HHLA2: variants seen among roughly 807,000 people sequenced by gnomAD.
The protein encoded by HHLA2 is HHLA2 member of B7 family.
In HHLA2, 48 loss-of-function variants were observed where a neutral mutation model predicts 45.9. The ratio of observed to expected loss-of-function variants is 1.05; its 90% CI spans 0.83 to 1.33. The LOEUF (loss-of-function observed/expected upper bound fraction) is 1.33, where lower values mean the gene tolerates loss of function less well. Among genes scored for constraint, HHLA2 ranks in the 40% most tolerant of loss-of-function variants. The pLI is 0.00. For synonymous variants in HHLA2, 161 were observed against 173.9 expected, an observed-to-expected ratio of 0.93 and a Z score of 0.59; for missense variants, 462 against 494.3, an observed-to-expected ratio of 0.93 and a Z score of 0.62.
chr3:108,346,852 A>C (rs1382002740), intron 3 of HHLA2, among the ~76,000 whole-genome samples: 2 of 152,182 alleles, frequency 1.3e-5, no homozygotes, highest in Non-Finnish European at 2.9e-5. Context: ...TGGAGCTATT[A>C]AGATGGGTAT....
At chr3:108,300,136 T>C (rs1024172790) in intron 1 of HHLA2, among the ~76,000 whole-genome samples, 2 of 151,980 alleles carry the variant, frequency 1.3e-5, no homozygotes, top group Admixed American at 6.6e-5. Context: ...AGGAAGAGGT[T>C]TGAAAGGACC....
At chr3:108,346,974 G>C (rs1004494535) in intron 3 of HHLA2, among the ~76,000 whole-genome samples, 8 of 152,140 alleles carry the variant, frequency 5.3e-5, no homozygotes, top group African/African-American at 1.9e-4. Context: ...TTCTATTGCA[G>C]AGGCTGCCTC....
chr3:108,351,410 A>G (rs1377339610), intron 3 of HHLA2, among the ~76,000 whole-genome samples: 1 of 152,196 alleles, frequency 6.6e-6, no homozygotes, highest in African/African-American at 2.4e-5. Context: ...TATCCAGAGA[A>G]CCACTGTTGC....
chr3:108,304,957 C>T (rs905057717), intron 1 of HHLA2, among the ~76,000 whole-genome samples: 3 of 152,114 alleles, frequency 2.0e-5, no homozygotes, highest in African/African-American at 7.2e-5. Context: ...GCATCCTTGC[C>T]TTATAATTGA....
At chr3:108,366,173 G>C (rs2082060151) in intron 8 of HHLA2, among the ~76,000 whole-genome samples, 2 of 152,302 alleles carry the variant, frequency 1.3e-5, no homozygotes, top group East Asian at 3.9e-4. Context: ...AGTTTATTGA[G>C]AGTTTTTAGC....
At chr3:108,366,106 G>A (rs2082059429) in intron 8 of HHLA2, among the ~76,000 whole-genome samples, 1 of 152,136 alleles carries the variant, frequency 6.6e-6, no homozygotes, top group Non-Finnish European at 1.5e-5. Flanking sequence ...TATGATATTG[G>A]CTATGGGTTT....
exon 5 of HHLA2, chr3:108,353,647 C>T: frequency 6.2e-7 from 1 of 1,613,710 alleles, no homozygotes; most frequent in African/African-American, 1.3e-5. Flanking sequence ...CATCCCTTTT[C>T]TATAATGAGA....
At chr3:108,301,135 C>T (rs1477132419) in intron 1 of HHLA2, among the ~76,000 whole-genome samples, 1 of 152,072 alleles carries the variant, frequency 6.6e-6, no homozygotes. Context: ...GACCTAGGCC[C>T]TCCAAACCAA....
chr3:108,319,862 G>A (rs1576113169), intron 2 of HHLA2, among the ~76,000 whole-genome samples: 2 of 152,196 alleles, frequency 1.3e-5, no homozygotes, highest in African/African-American at 4.8e-5. Context: ...TGCTTGCTCT[G>A]AATAGGATTC....
At chr3:108,377,336 A>G (rs2082292865) in exon 11 of HHLA2, 1 of 1,300,112 alleles carries the variant, frequency 7.7e-7, no homozygotes, top group African/African-American at 1.5e-5. Context: ...CAGTGACTTC[A>G]TCTCCCCTTT....
At chr3:108,371,941 T>C (rs953452639) in intron 8 of HHLA2, among the ~76,000 whole-genome samples, 10 of 152,144 alleles carry the variant, frequency 6.6e-5, no homozygotes, top group South Asian at 2.1e-4. Context: ...AACAAGGATA[T>C]CCAGGAATTG....
intron 3 of HHLA2, among the ~76,000 whole-genome samples, chr3:108,331,717 T>C (rs896664343): frequency 3.3e-5 from 5 of 152,188 alleles, no homozygotes; most frequent in African/African-American, 9.6e-5. Context: ...ATTTGCCCTG[T>C]AGCAAGTTTT....
intron 3 of HHLA2, among the ~76,000 whole-genome samples, chr3:108,334,308 G>T (rs2107391835): frequency 6.6e-6 from 1 of 152,252 alleles, no homozygotes; most frequent in East Asian, 1.9e-4. Flanking sequence ...TTTACTTTTT[G>T]ATACAAAACA....
At chr3:108,361,511 C>A (rs758167387) in intron 7 of HHLA2, among the ~76,000 whole-genome samples, 1 of 151,966 alleles carries the variant, frequency 6.6e-6, no homozygotes, top group Non-Finnish European at 1.5e-5. Flanking sequence ...TTCAGATACA[C>A]CAAAAAGAAG....
At chr3:108,377,523 C>T in exon 11 of HHLA2, 2 of 493,166 alleles carry the variant, frequency 4.1e-6, no homozygotes, top group Non-Finnish European at 7.4e-6. Context: ...TCCAATTTAA[C>T]TTTGAAAAGA....
intron 1 of HHLA2, among the ~76,000 whole-genome samples, chr3:108,305,416 C>T (rs180979576): frequency 1.1e-4 from 16 of 152,232 alleles, no homozygotes; most frequent in East Asian, 1.9e-4. Context: ...TGTAGAAAAC[C>T]GTGCCTCAAA....
At position 108,355,181 on chromosome 3, in the gene HHLA2, TAA is replaced by T. The variant is rs760262993; in HGVS notation, c.486_487del (p.Ser163CysfsTer18). The T allele has an allele frequency of 6.2e-7, 1 of 1,613,732 alleles. No individual in the cohort carries two copies. Among genetic ancestry groups the T allele is most frequent in the Non-Finnish European group, 8.5e-7 (1 of 1,179,790 alleles). On this transcript the variant is annotated frameshift_variant, in exon 6 of 11. Coordinates refer to ENST00000619531, the Ensembl canonical transcript of HHLA2. LOFTEE classifies it high-confidence loss of function. Reference sequence around the variant, plus strand: ...AACAGCTTCTTAATATGCAGCGTGTTAAGTGTTTATCCTCGTCCAATTATCAC... The same window carrying T: ...AACAGCTTCTTAATATGCAGCGTGTTGTGTTTATCCTCGTCCAATTATCAC...
chr3:108,377,892 T>A (rs1204176363), exon 11 of HHLA2: 1 of 152,288 alleles, frequency 6.6e-6, no homozygotes, highest in Non-Finnish European at 1.5e-5. Flanking sequence ...AAGCCAAGCA[T>A]CGCATCCCCT....
At chr3:108,314,932 C>A (rs1376320967) in intron 2 of HHLA2, among the ~76,000 whole-genome samples, 2 of 152,160 alleles carry the variant, frequency 1.3e-5, no homozygotes, top group Non-Finnish European at 2.9e-5. Context: ...AAGAAGCCTG[C>A]CACTCTGAAT....
Sources: gnomAD v4.1 joint callset for allele counts (sites outside exome capture counted in the v4.1 genomes callset) on GRCh38, gnomAD v4.1.1 for gene constraint, MANE v1.5 for transcripts, NCBI Gene and HGNC (gene_info 2026-07-23, HGNC 2026-07-21) for gene names.